STK32B: variants seen among roughly 807,000 people sequenced by gnomAD.
STK32B encodes the protein serine/threonine-protein kinase 32B.
Under a neutral mutation model 52.6 loss-of-function variants are expected in STK32B, and 43 were observed. The observed-to-expected ratio is 0.82, with a 90% CI of 0.64 to 1.05. STK32B has a LOEUF of 1.05. STK32B is among the 50% of genes least tolerant of loss of function. The pLI, the probability that STK32B is intolerant of heterozygous loss-of-function variation, is 0.00. For synonymous variants in STK32B, 238 were observed against 204.3 expected (o/e 1.17, Z -1.41); for missense variants, 621 against 534.6 (o/e 1.16, Z -1.59).
rs140487270 is a variant in STK32B, at chr4:5,331,826, G to GCT, written c.434+436_434+437dup. 8.0e-3 allele frequency among the ~76,000 whole-genome samples: 1,223 copies of GCT among 152,276 alleles called. 12 individuals carry two copies. The highest frequency in any genetic ancestry group is 0.028 in the African/African-American group (1,175 of 41,536). On this transcript the variant is annotated intron_variant, in intron 4 of 11. Transcript: ENST00000282908. ...TTTCTCTTAGGAAGCCTCAGTGCTGGCTCTGGGCTTTGCATAAAAGCTCTG... is the reference window on the plus strand; with the variant it reads ...TTTCTCTTAGGAAGCCTCAGTGCTGGCTCTCTGGGCTTTGCATAAAAGCTCTG...
rs1737215751 is a variant in STK32B, at chr4:5,400,407, G to C, written c.472+2163G>C. On this transcript the variant is annotated intron_variant, in intron 5 of 11. Transcript: ENST00000282908. The surrounding 1 kb of genome is among the most constrained non-coding windows in gnomAD (Gnocchi z 6.1). ...CCTCATCTTTTTCCACCCCCTGCTT[G>C]GCCTTCACAGTGTCCCAGCCCTGCC... 6.6e-6 allele frequency among the ~76,000 whole-genome samples: 1 copy of C among 151,922 alleles called. No individual in the cohort carries two copies. The highest frequency in any genetic ancestry group is 6.6e-5 in the Admixed American group (1 of 15,262).
intron 3 of STK32B, among the ~76,000 whole-genome samples, chr4:5,254,970 A>G (rs1726196641): frequency 1.3e-5 from 2 of 151,170 alleles, no homozygotes; most frequent in South Asian, 4.2e-4. Flanking sequence ...TCACTAATAT[A>G]TATATATGTT....
At chr4:5,088,980 C>T (rs1712895024) in intron 1 of STK32B, among the ~76,000 whole-genome samples, 1 of 151,572 alleles carries the variant, frequency 6.6e-6, no homozygotes, top group Non-Finnish European at 1.5e-5. Flanking sequence ...AAGGTTAAAA[C>T]ATTGAGACAA....
chr4:5,483,649 T>C (rs542452117), intron 11 of STK32B, among the ~76,000 whole-genome samples: 2 of 152,320 alleles, frequency 1.3e-5, no homozygotes, highest in South Asian at 4.1e-4. Context: ...GTGTTTGCTC[T>C]TGCTTTTCTA....
At chr4:5,192,877 C>T (rs1721331363) in intron 3 of STK32B, among the ~76,000 whole-genome samples, 1 of 152,212 alleles carries the variant, frequency 6.6e-6, no homozygotes, top group South Asian at 2.1e-4. Context: ...ATCTCCCCTC[C>T]ACCCAGCCCC....
At chr4:5,028,223 T>A in the STK32B span, among the ~76,000 whole-genome samples, 1 of 152,180 alleles carries the variant, frequency 6.6e-6, no homozygotes, top group Non-Finnish European at 1.5e-5. Flanking sequence ...AGCCTCAACC[T>A]CATGGGCTTA....
intron 1 of STK32B, chr4:5,127,151 T>C (rs772529017): frequency 2.0e-6 from 1 of 503,696 alleles, no homozygotes; most frequent in Non-Finnish European, 4.0e-6. Context: ...TGCCAATGAT[T>C]ACATTTTTAC....
At chr4:5,235,050 A>G (rs1724531340) in intron 3 of STK32B, among the ~76,000 whole-genome samples, 1 of 152,228 alleles carries the variant, frequency 6.6e-6, no homozygotes, top group Non-Finnish European at 1.5e-5. Context: ...AGTAAACCAG[A>G]ACATTTCGTT....
intron 1 of STK32B, among the ~76,000 whole-genome samples, chr4:5,112,810 T>C (rs1234380195): frequency 2.0e-5 from 3 of 152,064 alleles, no homozygotes; most frequent in Non-Finnish European, 4.4e-5. Context: ...GAAGAACATT[T>C]CCAAAGAAGG....
At position 5,071,224 on chromosome 4, in the gene STK32B, A is replaced by T. The variant is rs76944803; in HGVS notation, c.52+19309A>T. ...TGAAGGATGGTTTGGCAGGGGAAGAAATTGGTCGCCAGGAAAACATGTTAC... is the reference window on the plus strand; with the variant it reads ...TGAAGGATGGTTTGGCAGGGGAAGATATTGGTCGCCAGGAAAACATGTTAC... On this transcript the variant is annotated intron_variant, in intron 1 of 11. Transcript: ENST00000282908. Among the ~76,000 whole-genome samples, 727 of 152,252 alleles carry T rather than the reference A, an allele frequency of 4.8e-3. 8 individuals are homozygous for T. Among genetic ancestry groups the T allele is most frequent in the African/African-American group, 0.017 (697 of 41,544 alleles).
intron 4 of STK32B, among the ~76,000 whole-genome samples, chr4:5,388,239 C>T (rs373889981): frequency 2.0e-5 from 3 of 152,246 alleles, no homozygotes; most frequent in Non-Finnish European, 4.4e-5. Flanking sequence ...ATCATTTTGG[C>T]GTCCACTCCT....
intron 11 of STK32B, among the ~76,000 whole-genome samples, chr4:5,479,869 C>G (rs1718542056): frequency 6.6e-6 from 1 of 151,986 alleles, no homozygotes; most frequent in African/African-American, 2.4e-5. Flanking sequence ...TGGGGCGTTT[C>G]TTTTTTAACT....
rs185753281 is a variant in STK32B, at chr4:5,403,721, A to C, written c.472+5477A>C. On this transcript the variant is annotated intron_variant, in intron 5 of 11. Transcript: ENST00000282908. ...TCAGCACCCACTTTTCTCTTGTCAAAGCATTGTATGTGCTACCCCCAGCAT... is the reference window on the plus strand; with the variant it reads ...TCAGCACCCACTTTTCTCTTGTCAACGCATTGTATGTGCTACCCCCAGCAT... Among the ~76,000 whole-genome samples, 519 of 152,258 alleles carry C rather than the reference A, an allele frequency of 3.4e-3. 2 individuals carry two copies. The highest frequency in any genetic ancestry group is 0.012 in the African/African-American group (485 of 41,552).
At chr4:5,296,226 A>C (rs1309307371) in intron 3 of STK32B, among the ~76,000 whole-genome samples, 1 of 152,152 alleles carries the variant, frequency 6.6e-6, no homozygotes, top group Non-Finnish European at 1.5e-5. Flanking sequence ...TGCTGAGAAG[A>C]ATGTATATTC....
At chr4:5,033,364 G>T in the STK32B span, among the ~76,000 whole-genome samples, 1 of 152,192 alleles carries the variant, frequency 6.6e-6, no homozygotes, top group Non-Finnish European at 1.5e-5. Flanking sequence ...CAGCTTCTGG[G>T]AAGGTAAGGC....
At chr4:5,246,219 G>A (rs28773178) in intron 3 of STK32B, among the ~76,000 whole-genome samples, 26,206 of 152,108 alleles carry the variant, frequency 0.17, 2,631 homozygotes, top group African/African-American at 0.26. Flanking sequence ...CCAATGAGAC[G>A]TAGATTTGGT....
the STK32B span, among the ~76,000 whole-genome samples, chr4:5,036,443 A>G: frequency 6.6e-6 from 1 of 151,486 alleles, no homozygotes; most frequent in Non-Finnish European, 1.5e-5. Context: ...GTCAGAAAAT[A>G]AACTCCACAT....
chr4:5,337,583 G>T (rs1321755221), intron 4 of STK32B, among the ~76,000 whole-genome samples: 1 of 152,110 alleles, frequency 6.6e-6, no homozygotes, highest in South Asian at 2.1e-4. Context: ...GTTCTGATTA[G>T]CATGGATCAG....
At chr4:5,338,286 T>C (rs1189457024) in intron 4 of STK32B, among the ~76,000 whole-genome samples, 1 of 152,146 alleles carries the variant, frequency 6.6e-6, no homozygotes, top group African/African-American at 2.4e-5. Flanking sequence ...AGTAAAGATA[T>C]TGTTCAGCGT....
Sources: gnomAD v4.1 joint callset for allele counts (sites outside exome capture counted in the v4.1 genomes callset) on GRCh38, gnomAD v4.1.1 for gene constraint, Gnocchi (gnomAD v3.1) non-coding constraint, MANE v1.5 for transcripts, NCBI Gene and HGNC (gene_info 2026-07-23, HGNC 2026-07-21) for gene names.